NEO1: variants seen among roughly 807,000 people sequenced by gnomAD.
NEO1 encodes the protein neogenin.
NEO1 carries 63 observed loss-of-function variants against 159.7 expected under a neutral mutation model. The observed-to-expected ratio is 0.39, with a 90% CI of 0.32 to 0.49. The LOEUF is 0.49. Among genes scored for constraint, NEO1 ranks in the 20% least tolerant of loss-of-function variants. NEO1 has a pLI of 0.85. For missense variants in NEO1, 1,615 were observed against 1,831.0 expected (o/e 0.88, Z 2.15); for synonymous variants, 633 against 662.0 (o/e 0.96, Z 0.67).
intron 1 of NEO1, among the ~76,000 whole-genome samples, chr15:73,068,577 T>C (rs1366815839): frequency 6.6e-6 from 1 of 152,164 alleles, no homozygotes; most frequent in Non-Finnish European, 1.5e-5. Flanking sequence ...CAGCCTTTTT[T>C]CTTGGAGGTA....
At chr15:73,288,201 G>C in intron 23 of NEO1, 112 bp from the exon 24 acceptor site, 1 of 950,850 alleles carries the variant, frequency 1.1e-6, no homozygotes, top group Non-Finnish European at 1.6e-6. Flanking sequence ...TTTAGTTTTT[G>C]CTTTTTTTGC....
chr15:73,131,202 C>A (rs2031078869), intron 4 of NEO1, among the ~76,000 whole-genome samples: 1 of 152,136 alleles, frequency 6.6e-6, no homozygotes, highest in African/African-American at 2.4e-5. Flanking sequence ...TGCCAAGAAC[C>A]AGGAAAATCT....
intron 1 of NEO1, among the ~76,000 whole-genome samples, chr15:73,065,278 T>G (rs149920700): frequency 1.3e-5 from 2 of 152,310 alleles, no homozygotes; most frequent in Non-Finnish European, 2.9e-5. Flanking sequence ...TACCCACGTA[T>G]TTCGTTTGTG....
At chr15:73,068,312 C>T (rs1029119297) in intron 1 of NEO1, among the ~76,000 whole-genome samples, 4 of 111,916 alleles carry the variant, frequency 3.6e-5, no homozygotes, top group Non-Finnish European at 7.9e-5. Context: ...ACCTCTGCCT[C>T]TTGGGTTCAA....
intron 1 of NEO1, among the ~76,000 whole-genome samples, chr15:73,107,683 A>G (rs145381928): frequency 3.3e-5 from 5 of 152,358 alleles, no homozygotes; most frequent in African/African-American, 1.2e-4. Context: ...GCCATCATTC[A>G]GGGGATTGAA....
At chr15:73,092,555 A>G (rs760930959) in intron 1 of NEO1, among the ~76,000 whole-genome samples, 5 of 152,192 alleles carry the variant, frequency 3.3e-5, no homozygotes, top group Non-Finnish European at 7.4e-5. Flanking sequence ...TTGGTTACTC[A>G]GTGTATCTTC....
At chr15:73,126,805 A>C (rs1284402897) in intron 4 of NEO1, among the ~76,000 whole-genome samples, 1 of 152,236 alleles carries the variant, frequency 6.6e-6, no homozygotes, top group Admixed American at 6.5e-5. Flanking sequence ...TTGAAGCCGC[A>C]GTGTACTCAG....
rs142363521 is a variant in NEO1 at position 73,122,740 on chromosome 15, G to A, written c.664G>A (p.Val222Ile). 18 of 1,614,182 alleles carry A rather than the reference G, an allele frequency of 1.1e-5. No individual in the cohort carries two copies. The Middle Eastern group carries it at 4.9e-4, about 44-fold the overall frequency. Reference protein sequence around the residue: ...TEGDGGLYRCVVESGGPPKYS... With the variant: ...TEGDGGLYRCIVESGGPPKYS... ...AGGAGATGGCGGGCTTTATCGCTGCGTAGTGGAAAGTGGTGGGCCACCAAA... is the reference window on the plus strand; with the variant it reads ...AGGAGATGGCGGGCTTTATCGCTGCATAGTGGAAAGTGGTGGGCCACCAAA... Residue 222 changes from valine (V) to isoleucine (I), a missense_variant, in exon 3 of 29, where the codon GTA (valine) becomes ATA (isoleucine). Around this residue, in one of 3 missense-constraint regions of NEO1, gnomAD observed 1,018 missense variants for 1,115.4 expected, o/e 0.91. Coordinates refer to ENST00000261908, the MANE Select transcript of NEO1 (RefSeq NM_002499.4).
At chr15:73,262,842 A>G (rs1460631076) in intron 15 of NEO1, among the ~76,000 whole-genome samples, 2 of 152,252 alleles carry the variant, frequency 1.3e-5, no homozygotes, top group African/African-American at 4.8e-5. Flanking sequence ...GGTAAGTGGT[A>G]AATCGTGATA....
At chr15:73,229,473 T>A (rs1340139539) in intron 7 of NEO1, among the ~76,000 whole-genome samples, 1 of 151,458 alleles carries the variant, frequency 6.6e-6, no homozygotes, top group Non-Finnish European at 1.5e-5. Flanking sequence ...TTCAGTAGAT[T>A]CATGAGGGTT....
chr15:73,051,967 C>G (rs904561882), upstream of NEO1: 2 of 152,246 alleles, frequency 1.3e-5, no homozygotes, highest in Non-Finnish European at 2.9e-5. Flanking sequence ...GCCCTCAGGT[C>G]TCTGCAGCCA....
At chr15:73,179,118 A>T (rs867568589) in intron 7 of NEO1, among the ~76,000 whole-genome samples, 17 of 152,250 alleles carry the variant, frequency 1.1e-4, no homozygotes, top group African/African-American at 4.1e-4. Context: ...TCCATCCTGT[A>T]TCTCAAATTA....
chr15:73,145,267 C>T (rs2032791582), intron 5 of NEO1, among the ~76,000 whole-genome samples: 2 of 152,128 alleles, frequency 1.3e-5, no homozygotes, highest in Admixed American at 6.6e-5. Context: ...TTTTTGCGTA[C>T]TGATTGAATT....
At chr15:73,136,397 G>T (rs1384947524) in intron 5 of NEO1, among the ~76,000 whole-genome samples, 1 of 152,108 alleles carries the variant, frequency 6.6e-6, no homozygotes, top group Non-Finnish European at 1.5e-5. Flanking sequence ...GGTGGTGGTG[G>T]TGGTGGTGAC....
chr15:73,206,248 A>G (rs558546666), intron 7 of NEO1, among the ~76,000 whole-genome samples: 1 of 152,160 alleles, frequency 6.6e-6, no homozygotes, highest in South Asian at 2.1e-4. Flanking sequence ...GTTTTATGGT[A>G]TTCTAATATT....
intron 5 of NEO1, among the ~76,000 whole-genome samples, chr15:73,158,448 G>C (rs948872453): frequency 5.3e-5 from 8 of 151,904 alleles, no homozygotes; most frequent in African/African-American, 1.9e-4. Context: ...GCCCAGACTG[G>C]AGTGCAGTGT....
At chr15:73,212,048 G>A (rs1396847071) in intron 7 of NEO1, among the ~76,000 whole-genome samples, 6 of 152,104 alleles carry the variant, frequency 3.9e-5, no homozygotes, top group East Asian at 1.9e-4. Context: ...CATTCGTATC[G>A]GGGTACATGA....
chr15:73,265,792 G>C (rs772391067), intron 15 of NEO1, among the ~76,000 whole-genome samples: 16 of 152,302 alleles, frequency 1.1e-4, no homozygotes, highest in Non-Finnish European at 1.5e-4. Flanking sequence ...AGCCACATGA[G>C]GCATGGCTCA....
chr15:73,260,501 G>C (rs1427041207), intron 15 of NEO1, 36 bp downstream of exon 15: 1 of 1,449,680 alleles, frequency 6.9e-7, no homozygotes. Context: ...AATTGTGTGG[G>C]AGATTCCTTT....
Sources: gnomAD v4.1 joint callset for allele counts (sites outside exome capture counted in the v4.1 genomes callset) on GRCh38, gnomAD v4.1.1 for gene constraint, gnomAD v4.1.1 regional missense constraint, MANE v1.5 for transcripts, NCBI Gene and HGNC (gene_info 2026-07-23, HGNC 2026-07-21) for gene names.